The following LRP1B variants were observed in gnomAD, a reference collection of about 807,000 sequenced individuals.
The protein encoded by LRP1B is LDL receptor related protein 1B.
Under a neutral mutation model 556.6 loss-of-function variants are expected in LRP1B, and 217 were observed. The observed-to-expected ratio is 0.39, with a 90% CI of 0.35 to 0.44. The LOEUF (loss-of-function observed/expected upper bound fraction) is 0.44, where lower values mean the gene tolerates loss of function less well. Among genes scored for constraint, LRP1B ranks in the 20% least tolerant of loss-of-function variants. The pLI is 1.00. For missense variants in LRP1B, 5,053 were observed against 5,620.8 expected, an observed-to-expected ratio of 0.90 and a Z score of 3.23; for synonymous variants, 2,047 against 1,865.8, an observed-to-expected ratio of 1.10 and a Z score of -2.50.
chr2:141,584,474 C>T (rs1456500823), intron 2 of LRP1B, among the ~76,000 whole-genome samples: 4 of 152,064 alleles, frequency 2.6e-5, no homozygotes, highest in Non-Finnish European at 5.9e-5. Context: ...ACAGCCTATT[C>T]CTATTTTAGC....
intron 32 of LRP1B, among the ~76,000 whole-genome samples, chr2:140,784,739 AAT>A (rs1689835807): frequency 6.9e-6 from 1 of 145,302 alleles, no homozygotes. Context: ...TAAAAAAAAA[AAT>A]TGAACTCTGA....
chr2:141,070,240 G>A (rs1199493435), intron 7 of LRP1B, among the ~76,000 whole-genome samples: 1 of 151,326 alleles, frequency 6.6e-6, no homozygotes, highest in Non-Finnish European at 1.5e-5. Flanking sequence ...TGAACAACCT[G>A]CTCCTGAATG....
At chr2:141,157,861 AT>A (rs1252007301) in intron 7 of LRP1B, among the ~76,000 whole-genome samples, 1 of 152,180 alleles carries the variant, frequency 6.6e-6, no homozygotes, top group Non-Finnish European at 1.5e-5. Flanking sequence ...CATTGGTGTA[AT>A]TTGTGATTGT....
At chr2:140,501,957 A>T in intron 54 of LRP1B, 83 bp from the exon 55 acceptor site, 1 of 929,504 alleles carries the variant, frequency 1.1e-6, no homozygotes, top group Non-Finnish European at 1.5e-6. Context: ...CACAAATATC[A>T]TTAACTCAGG....
At chr2:141,085,380 T>C (rs1434471470) in intron 7 of LRP1B, among the ~76,000 whole-genome samples, 2 of 152,084 alleles carry the variant, frequency 1.3e-5, no homozygotes, top group Non-Finnish European at 2.9e-5. Context: ...TATTTGAAAA[T>C]AGGACTTTAA....
chr2:140,808,397 G>A (rs1001331425), intron 32 of LRP1B, among the ~76,000 whole-genome samples: 84 of 152,176 alleles, frequency 5.5e-4, no homozygotes, highest in African/African-American at 1.6e-3. Flanking sequence ...TGTAAAATCA[G>A]CAAAATGTTA....
chr2:140,283,752 C>T (rs1294552417), intron 84 of LRP1B, among the ~76,000 whole-genome samples: 1 of 151,760 alleles, frequency 6.6e-6, no homozygotes, highest in Non-Finnish European at 1.5e-5. Flanking sequence ...AAAATCAACT[C>T]ATAGAGCTAT....
chr2:141,591,949 A>G (rs888537393), intron 2 of LRP1B, among the ~76,000 whole-genome samples: 2 of 152,132 alleles, frequency 1.3e-5, no homozygotes, highest in African/African-American at 2.4e-5. Flanking sequence ...TTCAGAATCT[A>G]TGCAGGATTA....
intron 41 of LRP1B, among the ~76,000 whole-genome samples, chr2:140,629,084 C>T (rs1374372786): frequency 6.6e-6 from 1 of 152,084 alleles, no homozygotes; most frequent in African/African-American, 2.4e-5. Flanking sequence ...GATGAGGTCT[C>T]ACTCTGTCAC....
intron 41 of LRP1B, among the ~76,000 whole-genome samples, chr2:140,679,403 A>C (rs1452653411): frequency 6.6e-6 from 1 of 152,186 alleles, no homozygotes; most frequent in Non-Finnish European, 1.5e-5. Flanking sequence ...TTATTTCTAG[A>C]GCAGGTTTTA....
At chr2:140,529,556 C>A (rs1240788914) in intron 47 of LRP1B, among the ~76,000 whole-genome samples, 1 of 151,892 alleles carries the variant, frequency 6.6e-6, no homozygotes, top group Non-Finnish European at 1.5e-5. Context: ...AGAAGGAATG[C>A]CGATTTCTTC....
At chr2:141,124,615 T>C (rs1701151819) in intron 7 of LRP1B, among the ~76,000 whole-genome samples, 1 of 139,780 alleles carries the variant, frequency 7.2e-6, no homozygotes, top group Non-Finnish European at 1.5e-5. Context: ...ATGTTTAAAC[T>C]GGGATAAAGA....
chr2:140,311,559 T>C (rs375029828), intron 83 of LRP1B, among the ~76,000 whole-genome samples: 1 of 151,902 alleles, frequency 6.6e-6, no homozygotes, highest in East Asian at 1.9e-4. Flanking sequence ...AATTACTTAA[T>C]GGGTAAAATG....
intron 2 of LRP1B, among the ~76,000 whole-genome samples, chr2:141,716,523 CA>C (rs1186978589): frequency 6.6e-6 from 1 of 151,906 alleles, no homozygotes; most frequent in Non-Finnish European, 1.5e-5. Context: ...AAAGTAATGA[CA>C]GAGAAATTTA....
At chr2:141,579,472 C>G (rs1281542284) in intron 2 of LRP1B, among the ~76,000 whole-genome samples, 1 of 152,066 alleles carries the variant, frequency 6.6e-6, no homozygotes, top group Non-Finnish European at 1.5e-5. Context: ...CGGGGAGTGT[C>G]AAGATATTCC....
At chr2:141,315,564 A>G (rs1391289008) in intron 3 of LRP1B, among the ~76,000 whole-genome samples, 1 of 151,556 alleles carries the variant, frequency 6.6e-6, no homozygotes, top group East Asian at 1.9e-4. Flanking sequence ...CGGCCGAATG[A>G]TTGTATTTTA....
At chr2:141,518,258 G>T (rs2105167632) in intron 2 of LRP1B, among the ~76,000 whole-genome samples, 1 of 152,262 alleles carries the variant, frequency 6.6e-6, no homozygotes, top group African/African-American at 2.4e-5. Flanking sequence ...AAAAGTGAGT[G>T]TGTGTGGGAG....
intron 7 of LRP1B, among the ~76,000 whole-genome samples, chr2:141,139,563 T>C (rs1319720853): frequency 6.6e-6 from 1 of 151,770 alleles, no homozygotes; most frequent in Non-Finnish European, 1.5e-5. Flanking sequence ...AAAGGGAATA[T>C]ATGAATGGCA....
intron 3 of LRP1B, among the ~76,000 whole-genome samples, chr2:141,358,601 G>A (rs547123545): frequency 5.3e-5 from 8 of 152,208 alleles, no homozygotes; most frequent in East Asian, 1.9e-4. Flanking sequence ...ATCAGAAACC[G>A]GCTGCCAAGT....
Sources: gnomAD v4.1 joint callset for allele counts (sites outside exome capture counted in the v4.1 genomes callset) on GRCh38, gnomAD v4.1.1 for gene constraint, MANE v1.5 for transcripts, NCBI Gene and HGNC (gene_info 2026-07-23, HGNC 2026-07-21) for gene names.